PCDHA6: variants seen among roughly 807,000 people sequenced by gnomAD.
The protein encoded by PCDHA6 is protocadherin alpha-6.
Under a neutral mutation model 60.3 loss-of-function variants are expected in PCDHA6, and 55 were observed. That is an observed-to-expected ratio of 0.91 (90% CI 0.73 to 1.14). The LOEUF (loss-of-function observed/expected upper bound fraction) is 1.14. PCDHA6 is among the 50% of genes most tolerant of loss of function. The pLI is 0.00. For missense variants in PCDHA6, 1,327 were observed against 1,256.5 expected (o/e 1.06, Z -0.85); for synonymous variants, 652 against 557.9 (o/e 1.17, Z -2.38).
chr5:140,946,405 T>C (rs1554217546), intron 1 of PCDHA6, among the ~76,000 whole-genome samples: 1 of 151,592 alleles, frequency 6.6e-6, no homozygotes, highest in South Asian at 2.1e-4. Context: ...AGTACAATCA[T>C]AGAAAACAAT....
At chr5:140,883,211 T>C in intron 1 of PCDHA6, 1 of 1,613,738 alleles carries the variant, frequency 6.2e-7, no homozygotes, top group Non-Finnish European at 8.5e-7. Context: ...AGAAAAGAAA[T>C]TATATGAAAT....
intron 1 of PCDHA6, chr5:140,877,370 C>G (rs781905172): frequency 6.2e-7 from 1 of 1,614,004 alleles, no homozygotes; most frequent in Admixed American, 1.7e-5. Context: ...GAGATCAGCA[C>G]GACACGCATC....
intron 1 of PCDHA6, chr5:140,843,622 G>C (rs1249780500): frequency 1.3e-6 from 2 of 1,595,910 alleles, no homozygotes; most frequent in East Asian, 2.2e-5. Flanking sequence ...CACCGAAGAC[G>C]GACCTCATGG....
chr5:140,928,458 T>C lies in PCDHA6; in HGVS notation c.2395-50491T>C, dbSNP rs1030560254. On this transcript the variant is annotated intron_variant, in intron 1 of 3. Coordinates refer to ENST00000529310, the MANE Select transcript of PCDHA6 (RefSeq NM_018909.4). Reference sequence around the variant, plus strand: ...ACTTTGAGCAGCTCAGGGGGTTTCATTTCCAAGTAGAAGGCCGGGATGGTG... The same window carrying C: ...ACTTTGAGCAGCTCAGGGGGTTTCACTTCCAAGTAGAAGGCCGGGATGGTG... 3.1e-6 allele frequency: 5 copies of C among 1,614,048 alleles called. No homozygotes were observed. In the African/African-American group the frequency reaches 5.3e-5, roughly 17 times the overall value.
intron 1 of PCDHA6, chr5:140,849,617 G>C (rs2150442549): frequency 6.3e-7 from 1 of 1,598,746 alleles, no homozygotes; most frequent in Non-Finnish European, 8.6e-7. Context: ...TGATTAGTGT[G>C]ATCGACCTAG....
chr5:141,003,352 C>T (rs747533399), intron 3 of PCDHA6, among the ~76,000 whole-genome samples: 38 of 152,318 alleles, frequency 2.5e-4, no homozygotes, highest in Non-Finnish European at 1.5e-4. Context: ...TGCTCTGTCA[C>T]CCAGGCTGGA....
intron 1 of PCDHA6, among the ~76,000 whole-genome samples, chr5:140,951,626 C>T (rs1182328214): frequency 3.3e-5 from 5 of 152,062 alleles, no homozygotes; most frequent in African/African-American, 4.8e-5. Context: ...AAGGGGGAAA[C>T]CTGCCCCATG....
chr5:140,845,640 T>C (rs1256673286), intron 1 of PCDHA6, among the ~76,000 whole-genome samples: 1 of 149,636 alleles, frequency 6.7e-6, no homozygotes, highest in Non-Finnish European at 1.5e-5. Flanking sequence ...AATCAAGTCC[T>C]CCCTTTACCA....
At chr5:141,003,941 G>A (rs532794918) in intron 3 of PCDHA6, among the ~76,000 whole-genome samples, 1 of 152,236 alleles carries the variant, frequency 6.6e-6, no homozygotes, top group African/African-American at 2.4e-5. Flanking sequence ...TTTGCCTGAG[G>A]GTGAGCTAGG....
chr5:140,968,597 G>T, intron 1 of PCDHA6: 1 of 1,614,176 alleles, frequency 6.2e-7, no homozygotes, highest in Non-Finnish European at 8.5e-7. Context: ...CATAGCTATG[G>T]ACTCAGACTC....
At chr5:140,979,525 T>A (rs1347519268) in intron 2 of PCDHA6, among the ~76,000 whole-genome samples, 1 of 152,244 alleles carries the variant, frequency 6.6e-6, no homozygotes, top group Non-Finnish European at 1.5e-5. Flanking sequence ...TGTTGCTATC[T>A]TATTGTCATC....
At chr5:140,848,360 G>A (rs1475773357) in intron 1 of PCDHA6, 1 of 1,069,390 alleles carries the variant, frequency 9.4e-7, no homozygotes, top group Non-Finnish European at 1.4e-6. Context: ...TTTCCCATGG[G>A]AAAGAGGCTC....
intron 1 of PCDHA6, chr5:140,849,459 G>T (rs2150438078): frequency 1.3e-6 from 2 of 1,587,980 alleles, no homozygotes. Flanking sequence ...CCCAGTCGAG[G>T]CTGTCGATAA....
intron 3 of PCDHA6, among the ~76,000 whole-genome samples, chr5:141,000,361 G>GTCTCTCTCTC (rs148596731): frequency 1.1e-4 from 3 of 26,446 alleles, no homozygotes; most frequent in East Asian, 1.6e-3. Context: ...GTCTCTCTCT[G>GTCTCTCTCTC]TCTCTCTCTC....
At chr5:140,836,149 A>G in intron 1 of PCDHA6, 1 of 1,613,754 alleles carries the variant, frequency 6.2e-7, no homozygotes, top group Non-Finnish European at 8.5e-7. Flanking sequence ...GGCGCGGGCC[A>G]TGTGGTGGCG....
At chr5:140,931,390 G>A (rs1296292494) in intron 1 of PCDHA6, among the ~76,000 whole-genome samples, 1 of 152,038 alleles carries the variant, frequency 6.6e-6, no homozygotes, top group Non-Finnish European at 1.5e-5. Flanking sequence ...GGAAACATAA[G>A]TAAGCGATAG....
At chr5:140,908,727 G>A (rs1388044565) in intron 1 of PCDHA6, among the ~76,000 whole-genome samples, 1 of 152,136 alleles carries the variant, frequency 6.6e-6, no homozygotes, top group Non-Finnish European at 1.5e-5. Context: ...GGGTCATATG[G>A]CTCGAGAAAC....
Position 140,946,631 on chromosome 5 carries a change from T to TATATACAC in PCDHA6, c.2395-32317_2395-32316insTATACACA, listed in dbSNP as rs57893927. Among the ~76,000 whole-genome samples, 48 of 131,820 alleles carry TATATACAC rather than the reference T, an allele frequency of 3.6e-4. 1 individual carries two copies. Among genetic ancestry groups the TATATACAC allele is most frequent in the South Asian group, 8.9e-4 (4 of 4,516 alleles). The allele number at this position is 131,820 out of a possible 152,430, so 86.5% of individuals were successfully genotyped here. A position where few individuals can be genotyped will look rare whatever the true frequency, so the allele number is the denominator to read the frequency against. ...TGTGAAATATATATATATATATATA[T>TATATACAC]ACAATGGAATACTCATCAGCCATTA... is the stretch of plus-strand genomic sequence containing the variant. On this transcript the variant is annotated intron_variant, in intron 1 of 3. Coordinates refer to ENST00000529310, the MANE Select transcript of PCDHA6 (RefSeq NM_018909.4).
chr5:140,950,708 T>A (rs1554219597), intron 1 of PCDHA6, among the ~76,000 whole-genome samples: 1 of 152,068 alleles, frequency 6.6e-6, no homozygotes, highest in East Asian at 1.9e-4. Context: ...AAATTTTTGT[T>A]CCTTATATCC....
Sources: allele counts gnomAD v4.1 joint callset (sites outside exome capture counted in the v4.1 genomes callset), GRCh38; gene constraint gnomAD v4.1.1; transcripts MANE v1.5; gene names NCBI Gene and HGNC (gene_info 2026-07-23, HGNC 2026-07-21).